TCTN3: variants seen among roughly 807,000 people sequenced by gnomAD.
The protein encoded by TCTN3 is tectonic-3.
Under a neutral mutation model 71.3 loss-of-function variants are expected in TCTN3, and 57 were observed. The ratio of observed to expected loss-of-function variants is 0.80; its 90% CI spans 0.65 to 1.00. TCTN3 has a LOEUF of 1.00. Ranked by LOEUF, TCTN3 falls within the 50% of genes least tolerant of loss-of-function variation. TCTN3 has a pLI of 0.00. For synonymous variants in TCTN3, 258 were observed against 267.8 expected, an observed-to-expected ratio of 0.96 and a Z score of 0.36; for missense variants, 696 against 719.9, an observed-to-expected ratio of 0.97 and a Z score of 0.38.
At position 95,686,454 on chromosome 10, in the gene TCTN3, A is replaced by G. The variant is rs750151951; in HGVS notation, c.888+41T>C. On this transcript the variant is annotated intron_variant, in intron 7 of 13. Transcript: ENST00000371217. ...AAATTGCCTCAGATGCAGAGGAGCC[A>G]AATATTCTTTTTCTTTTTTCCTGGT... is the stretch of plus-strand genomic sequence containing the variant. The G allele has an allele frequency of 2.5e-6, 4 of 1,609,952 alleles. No homozygotes were observed. In the Admixed American group the frequency reaches 6.7e-5, roughly 27 times the overall value.
At chr10:95,677,490 T>TTTG (rs1254202901) in intron 13 of TCTN3, among the ~76,000 whole-genome samples, 9 of 147,986 alleles carry the variant, frequency 6.1e-5, no homozygotes, top group East Asian at 2.0e-4. Context: ...TTTGTTTTTT[T>TTTG]TTTTTTTTTT....
intron 7 of TCTN3, 35 bp from the exon 8 acceptor site, chr10:95,685,671 A>G (rs1344119303): frequency 2.0e-6 from 3 of 1,499,800 alleles, no homozygotes; most frequent in African/African-American, 2.8e-5. Flanking sequence ...ACTAAAACTG[A>G]AGGCGGTATT....
rs1174620362 is a variant in TCTN3 at position 95,692,905 on chromosome 10, CAT to C, written c.499+13_499+14del. The C allele has an allele frequency of 1.3e-6, 2 of 1,567,214 alleles. No individual in the cohort carries two copies. The highest frequency in any genetic ancestry group is 1.8e-6 in the Non-Finnish European group (2 of 1,137,384). On this transcript the variant is annotated intron_variant, in intron 3 of 13. Coordinates refer to ENST00000371217, the MANE Select transcript of TCTN3 (RefSeq NM_015631.6). ...TGTGTTAGAAAATGAGAACAACCAACATGTTTCTACTCACAGTTGTTCACATG... is the reference window on the plus strand; with the variant it reads ...TGTGTTAGAAAATGAGAACAACCAACGTTTCTACTCACAGTTGTTCACATG...
chr10:95,664,239 T>C lies in TCTN3; in HGVS notation c.1652A>G (p.Gln551Arg), dbSNP rs1427403353. ...TTLVNFVDIT[Q>R]KPQPPRGQPK... is the part of the protein sequence containing the mutation. ...TTGGCCCCTTGGAGGCTGTGGCTTCTGGGTAATGTCCACAAAGTTCACAAG... is the reference window on the plus strand; with the variant it reads ...TTGGCCCCTTGGAGGCTGTGGCTTCCGGGTAATGTCCACAAAGTTCACAAG... The change falls in exon 14 of 14, where the codon CAG becomes CGG. Residue 551 changes from glutamine (Q) to arginine (R), a missense_variant. Physicochemically the swap from Gln to Arg is conservative, Grantham distance 43. Transcript: ENST00000371217. The C allele has an allele frequency of 2.5e-6, 4 of 1,614,180 alleles. No individual in the cohort carries two copies. Among genetic ancestry groups the C allele is most frequent in the Admixed American group, 3.3e-5 (2 of 60,028 alleles).
In TCTN3 at chr10:95,687,582, C is replaced by T. The variant is rs751858047; in HGVS notation, c.627+10G>A. 2 of 1,611,186 alleles carry T rather than the reference C, an allele frequency of 1.2e-6. No individual in the cohort carries two copies. The highest frequency in any genetic ancestry group is 2.2e-5 in the South Asian group (2 of 90,214). ...AAACCAAACAATCCCATCCCCTTCC[C>T]CAGGCTCACCCTGTAAAAAGATGGT... On this transcript the variant is annotated intron_variant, in intron 4 of 13. Coordinates refer to ENST00000371217, the MANE Select transcript of TCTN3 (RefSeq NM_015631.6).
At chr10:95,686,318 C>T (rs1343447530) in intron 7 of TCTN3, among the ~76,000 whole-genome samples, 177 bp downstream of exon 7, 3 of 152,186 alleles carry the variant, frequency 2.0e-5, no homozygotes, top group South Asian at 2.1e-4. Flanking sequence ...TGGTTTCATA[C>T]GAGGCTATTA....
At chr10:95,682,159 C>T (rs1225913883) in intron 12 of TCTN3, among the ~76,000 whole-genome samples, 2 of 149,036 alleles carry the variant, frequency 1.3e-5, no homozygotes, top group Non-Finnish European at 3.0e-5. Flanking sequence ...TGTGCCACTG[C>T]ACTCCAGCCT....
At chr10:95,668,367 TAATG>T (rs578020049) in intron 13 of TCTN3, among the ~76,000 whole-genome samples, 40 of 151,674 alleles carry the variant, frequency 2.6e-4, no homozygotes, top group Non-Finnish European at 4.3e-4. Context: ...AAATTTGGTA[TAATG>T]AATGAAGAAA....
intron 10 of TCTN3, 31 bp from the exon 11 acceptor site, chr10:95,683,226 C>G (rs1566072131): frequency 1.9e-6 from 3 of 1,588,174 alleles, no homozygotes; most frequent in South Asian, 2.3e-5. Context: ...TCAAGGACAT[C>G]ATAACAGAAA....
At chr10:95,691,200 G>C (rs1025434653) in intron 3 of TCTN3, among the ~76,000 whole-genome samples, 1 of 152,130 alleles carries the variant, frequency 6.6e-6, no homozygotes. Context: ...ACAGACTCTC[G>C]TTCTGTTACC....
In TCTN3 at chr10:95,692,979, G is replaced by A; in HGVS notation, c.440C>T (p.Pro147Leu). 3 of 1,614,096 alleles carry A rather than the reference G, an allele frequency of 1.9e-6. No homozygotes were observed. Among genetic ancestry groups the A allele is most frequent in the Non-Finnish European group, 2.5e-6 (3 of 1,179,998 alleles). ...SVIFRSNSPF[P>L]SRVFMDSNGI... ...ATTAGAATCCATGAAAACTCTTGAA[G>A]GAAACGGGGAATTACTCCTGAAGAT... is the stretch of plus-strand genomic sequence containing the variant. Residue 147 changes from proline to leucine, a missense_variant, in exon 3 of 14, where the codon CCT (proline) becomes CTT (leucine). Coordinates refer to ENST00000371217, the MANE Select transcript of TCTN3 (RefSeq NM_015631.6).
At chr10:95,681,534 G>A (rs1384873654) in intron 12 of TCTN3, among the ~76,000 whole-genome samples, 1 of 152,160 alleles carries the variant, frequency 6.6e-6, no homozygotes, top group Non-Finnish European at 1.5e-5. Flanking sequence ...ATTATGAAGT[G>A]CATCCAAGTA....
At chr10:95,673,920 T>C (rs771095910) in intron 13 of TCTN3, among the ~76,000 whole-genome samples, 2 of 152,214 alleles carry the variant, frequency 1.3e-5, no homozygotes, top group Non-Finnish European at 2.9e-5. Context: ...ATTTTTGAAC[T>C]CTCTTCTGTC....
intron 3 of TCTN3, among the ~76,000 whole-genome samples, 186 bp from the exon 4 acceptor site, chr10:95,687,905 C>T (rs2139751430): frequency 6.6e-6 from 1 of 152,212 alleles, no homozygotes; most frequent in East Asian, 1.9e-4. Context: ...GAATATTTCC[C>T]CAGAAGGCTC....
intron 3 of TCTN3, among the ~76,000 whole-genome samples, chr10:95,688,661 A>G (rs1203273366): frequency 6.6e-6 from 1 of 152,204 alleles, no homozygotes; most frequent in African/African-American, 2.4e-5. Context: ...GTTGCATTTT[A>G]TTCCTTAAGC....
At chr10:95,669,835 G>A (rs1204059836) in intron 13 of TCTN3, among the ~76,000 whole-genome samples, 1 of 151,626 alleles carries the variant, frequency 6.6e-6, no homozygotes, top group African/African-American at 2.4e-5. Flanking sequence ...AGGCCGAGGC[G>A]GGCGGATCAC....
chr10:95,678,426 G>A (rs1303293078), intron 13 of TCTN3, among the ~76,000 whole-genome samples: 1 of 151,652 alleles, frequency 6.6e-6, no homozygotes, highest in African/African-American at 2.4e-5. Flanking sequence ...CCAGCTACTC[G>A]GAAGGCTGAG....
rs4917699 is a variant in TCTN3, at chr10:95,682,476, A to G, written c.1452+175T>C. On this transcript the variant is annotated intron_variant, in intron 12 of 13. Coordinates refer to ENST00000371217, the MANE Select transcript of TCTN3 (RefSeq NM_015631.6). ...GCCACCACACTCGAGCCAGGGCAAC[A>G]CAGTGAGACTCCATCTCAAAAAAAA... Among the ~76,000 whole-genome samples the G allele has an allele frequency of 0.62, 94,446 of 151,230 alleles. 29,766 individuals are homozygous for G. Among genetic ancestry groups the G allele is most frequent in the East Asian group, 0.74 (3,813 of 5,152 alleles).
intron 8 of TCTN3, 85 bp from the exon 9 acceptor site, chr10:95,684,709 G>A: frequency 6.8e-7 from 1 of 1,473,636 alleles, no homozygotes; most frequent in Non-Finnish European, 9.2e-7. Flanking sequence ...CTTCAAGGGT[G>A]TTATTATAAC....
Sources: gnomAD v4.1 joint callset for allele counts (sites outside exome capture counted in the v4.1 genomes callset) on GRCh38, gnomAD v4.1.1 for gene constraint, MANE v1.5 for transcripts, NCBI Gene and HGNC (gene_info 2026-07-23, HGNC 2026-07-21) for gene names.